The following ROBO1 variants were observed in gnomAD, a reference collection of about 807,000 sequenced individuals.
ROBO1 encodes roundabout homolog 1.
In ROBO1, 149 loss-of-function variants were observed where a neutral mutation model predicts 195.9. The observed-to-expected ratio is 0.76, with a 90% CI of 0.67 to 0.87. ROBO1 has a LOEUF of 0.87. Among genes scored for constraint, ROBO1 ranks in the 40% least tolerant of loss-of-function variants. ROBO1 has a pLI of 0.00. For missense variants in ROBO1, 1,933 were observed against 2,068.3 expected, an observed-to-expected ratio of 0.93 and a Z score of 1.27; for synonymous variants, 816 against 733.2, an observed-to-expected ratio of 1.11 and a Z score of -1.82.
chr3:79,106,584 A>T (rs1316806605), intron 3 of ROBO1, among the ~76,000 whole-genome samples: 1 of 151,694 alleles, frequency 6.6e-6, no homozygotes, highest in Non-Finnish European at 1.5e-5. Context: ...GTTAAGAATG[A>T]ATTATTTTTG....
intron 4 of ROBO1, chr3:78,938,139 T>A (rs2039919755): frequency 6.2e-6 from 1 of 161,978 alleles, no homozygotes; most frequent in South Asian, 1.7e-4. Context: ...GCCAACCTGG[T>A]GGTTCCCCAT....
chr3:78,672,813 A>G (rs978390967), intron 10 of ROBO1, among the ~76,000 whole-genome samples: 2 of 152,152 alleles, frequency 1.3e-5, no homozygotes, highest in African/African-American at 4.8e-5. Context: ...TTCTGTTGGA[A>G]TTATTAGAAT....
chr3:79,425,487 A>C (rs537826228), intron 2 of ROBO1, among the ~76,000 whole-genome samples: 46 of 152,136 alleles, frequency 3.0e-4, no homozygotes, highest in Non-Finnish European at 5.3e-4. Context: ...CACTTCAATC[A>C]CAACAGTATA....
intron 2 of ROBO1, among the ~76,000 whole-genome samples, chr3:79,414,809 T>C (rs1382898207): frequency 2.0e-5 from 3 of 152,124 alleles, no homozygotes; most frequent in Non-Finnish European, 4.4e-5. Context: ...TTTTTTAACA[T>C]AAAGTACTGA....
At chr3:79,279,782 T>C (rs575730822) in intron 2 of ROBO1, among the ~76,000 whole-genome samples, 22 of 151,250 alleles carry the variant, frequency 1.5e-4, no homozygotes, top group Admixed American at 1.3e-3. Context: ...ATTTTCTTTA[T>C]TCATTTGTGT....
At chr3:79,274,504 A>G (rs73112707) in intron 2 of ROBO1, among the ~76,000 whole-genome samples, 14,543 of 151,954 alleles carry the variant, frequency 0.096, 765 homozygotes, top group East Asian at 0.13. Context: ...CAAAAGCTGT[A>G]CTTAGAGGAC....
chr3:79,589,741 T>C (rs1361834577), intron 2 of ROBO1, 83 bp downstream of exon 2: 1 of 1,115,366 alleles, frequency 9.0e-7, no homozygotes, highest in African/African-American at 1.6e-5. Context: ...AAACTTGATT[T>C]GCAACACACA....
At chr3:79,182,424 G>C (rs1042905998) in intron 2 of ROBO1, among the ~76,000 whole-genome samples, 15 of 151,528 alleles carry the variant, frequency 9.9e-5, no homozygotes, top group Non-Finnish European at 1.5e-5. Context: ...AGTTATTTCA[G>C]CCTATAAATA....
intron 2 of ROBO1, among the ~76,000 whole-genome samples, chr3:79,158,086 A>G (rs2108656321): frequency 6.6e-6 from 1 of 151,926 alleles, no homozygotes; most frequent in Non-Finnish European, 1.5e-5. Context: ...CATCTCTTTT[A>G]CATTTCTACC....
rs191402443 is a variant in ROBO1 at position 79,459,783 on chromosome 3, A to G, written c.88+130041T>C. Among the ~76,000 whole-genome samples the G allele has an allele frequency of 2.4e-3, 372 of 152,232 alleles. 3 individuals are homozygous for G. In the Middle Eastern group the frequency reaches 0.031, roughly 13 times the overall value. On this transcript the variant is annotated intron_variant, in intron 2 of 30. Transcript: ENST00000464233. ...ACTATTTTAAAAAGCAATAAAAAGC[A>G]TTTTCACAAGGTATTATTATGAATA...
chr3:79,488,570 A>T (rs1036309797), intron 2 of ROBO1, among the ~76,000 whole-genome samples: 1 of 152,136 alleles, frequency 6.6e-6, no homozygotes, highest in Non-Finnish European at 1.5e-5. Flanking sequence ...AATCATAAAA[A>T]CCAAAGTACT....
chr3:78,827,596 G>GTATC (rs113459987), intron 4 of ROBO1, among the ~76,000 whole-genome samples: 12,354 of 152,050 alleles, frequency 0.081, 1,578 homozygotes, highest in African/African-American at 0.27. Flanking sequence ...TCATGTGTGT[G>GTATC]TATCTATCTG....
chr3:78,662,220 G>C lies in ROBO1; in HGVS notation c.1967-106C>G, dbSNP rs1707462701. ...ATTCATAGCAACTCTCAGTAAAGAA[G>C]AGTCCAAGCCAGGCTGTGATTCGGA... On this transcript the variant is annotated intron_variant, in intron 14 of 30. Transcript: ENST00000464233. 5.2e-6 allele frequency: 5 copies of C among 967,574 alleles called. No individual in the cohort carries two copies. In the South Asian group the frequency reaches 1.0e-4, roughly 20 times the overall value. The allele number at this position is 967,574 out of a possible 1,614,324, so 59.9% of individuals were successfully genotyped here.
chr3:79,492,934 T>C (rs768947921), intron 2 of ROBO1, among the ~76,000 whole-genome samples: 8 of 152,050 alleles, frequency 5.3e-5, no homozygotes, highest in Non-Finnish European at 1.0e-4. Context: ...TCATATCAAA[T>C]CAGAAATTGA....
intron 20 of ROBO1, among the ~76,000 whole-genome samples, chr3:78,646,623 C>G: frequency 6.8e-6 from 1 of 147,958 alleles, no homozygotes. Context: ...AAAAAAACTA[C>G]TAGATTATTT....
intron 2 of ROBO1, among the ~76,000 whole-genome samples, chr3:79,154,422 GT>G (rs1381368200): frequency 8.6e-5 from 13 of 151,676 alleles, no homozygotes; most frequent in Admixed American, 2.0e-4. Flanking sequence ...TTGCAATGAA[GT>G]TTTTTTCCCC....
At chr3:79,064,549 A>G (rs1444174628) in intron 3 of ROBO1, among the ~76,000 whole-genome samples, 2 of 151,922 alleles carry the variant, frequency 1.3e-5, no homozygotes, top group South Asian at 2.1e-4. Flanking sequence ...TTAAATGGCA[A>G]TGGGGCTTCA....
intron 2 of ROBO1, among the ~76,000 whole-genome samples, chr3:79,408,288 AGAG>A (rs1361392947): frequency 6.6e-6 from 1 of 151,994 alleles, no homozygotes; most frequent in African/African-American, 2.4e-5. Flanking sequence ...AGAAATAAGC[AGAG>A]ATTACATATA....
rs117969239 is a variant in ROBO1, at chr3:79,331,282, T to C, written c.89-205743A>G. On this transcript the variant is annotated intron_variant, in intron 2 of 30. Coordinates refer to ENST00000464233, the MANE Select transcript of ROBO1 (RefSeq NM_002941.4). ...CACCATTAAAAAACCCAATTTGATGTTGAATACTATAAAGTTTATTTCACC... is the reference window on the plus strand; with the variant it reads ...CACCATTAAAAAACCCAATTTGATGCTGAATACTATAAAGTTTATTTCACC... 2.1e-3 allele frequency among the ~76,000 whole-genome samples: 323 copies of C among 152,298 alleles called. 10 individuals carry two copies. In the East Asian group the frequency reaches 0.057, roughly 27 times the overall value.
Sources: allele counts gnomAD v4.1 joint callset (sites outside exome capture counted in the v4.1 genomes callset), GRCh38; gene constraint gnomAD v4.1.1; transcripts MANE v1.5; gene names NCBI Gene and HGNC (gene_info 2026-07-23, HGNC 2026-07-21).